The following SLC12A7 variants were observed in gnomAD, a reference collection of about 807,000 sequenced individuals.
SLC12A7 encodes solute carrier family 12 member 7.
Under a neutral mutation model 120.6 loss-of-function variants are expected in SLC12A7, and 100 were observed. The ratio of observed to expected loss-of-function variants is 0.83; its 90% CI spans 0.71 to 0.98. SLC12A7 has a LOEUF of 0.98. Ranked by LOEUF, SLC12A7 falls within the 50% of genes least tolerant of loss-of-function variation. The pLI, the probability that SLC12A7 is intolerant of heterozygous loss-of-function variation, is 0.00. For missense variants in SLC12A7, 1,373 were observed against 1,548.1 expected (o/e 0.89, Z 1.90); for synonymous variants, 760 against 678.0 (o/e 1.12, Z -1.88).
intron 17 of SLC12A7, 139 bp from the exon 18 acceptor site, chr5:1,065,617 T>C: frequency 1.5e-6 from 1 of 646,996 alleles, no homozygotes; most frequent in Non-Finnish European, 2.6e-6. Flanking sequence ...CTCAACGGTG[T>C]GCTGCGGTGC....
chr5:1,138,196 G>A, the SLC12A7 span, among the ~76,000 whole-genome samples: 26 of 138,122 alleles, frequency 1.9e-4, no homozygotes, highest in Middle Eastern at 3.4e-3. Context: ...GGGGAAAAGC[G>A]GAAAAAAACA....
Position 1,060,388 on chromosome 5 carries a change from T to A in SLC12A7, c.2803A>T (p.Met935Leu), listed in dbSNP as rs1198691390. 1 of 1,613,652 alleles carries A rather than the reference T, an allele frequency of 6.2e-7. No homozygotes were observed. The highest frequency in any genetic ancestry group is 8.5e-7 in the Non-Finnish European group (1 of 1,179,972). ...TTGGACAGCTGCATCTGCTTCAGCA[T>A]CTGCGACCTCTGCTCCATCATTAGT... Reference protein sequence around the residue: ...RTLMMEQRSQMLKQMQLSKNE... With the variant: ...RTLMMEQRSQLLKQMQLSKNE... Residue 935 changes from methionine (M) to leucine (L), a missense_variant, in exon 21 of 24, where the codon ATG becomes TTG. Transcript: ENST00000264930.
chr5:1,053,048 G>A (rs1259042097), intron 23 of SLC12A7, among the ~76,000 whole-genome samples: 1 of 152,236 alleles, frequency 6.6e-6, no homozygotes, highest in African/African-American at 2.4e-5. Context: ...CACAGCTGCT[G>A]TGGGGATGCA....
At chr5:1,097,436 A>C (rs1456191729) in intron 1 of SLC12A7, among the ~76,000 whole-genome samples, 3 of 152,170 alleles carry the variant, frequency 2.0e-5, no homozygotes, top group African/African-American at 7.2e-5. Context: ...CAACCTATGC[A>C]GTTGGAAAAA....
Position 1,058,879 on chromosome 5 carries a change from C to T in SLC12A7, c.2848-1230G>A, listed in dbSNP as rs906101414. Reference sequence around the variant, plus strand: ...GGGTGTCCACCCAGCGTCTGCACAGCAGCTCATCCAAACCCTTCTGCAGAG... The same window carrying T: ...GGGTGTCCACCCAGCGTCTGCACAGTAGCTCATCCAAACCCTTCTGCAGAG... On this transcript the variant is annotated intron_variant, in intron 21 of 23. Transcript: ENST00000264930. Among the ~76,000 whole-genome samples the T allele has an allele frequency of 2.3e-4, 12 of 53,244 alleles. No individual in the cohort carries two copies. In the South Asian group the frequency reaches 0.013, roughly 57 times the overall value. 34.9% of individuals were successfully genotyped at this position (53,244 alleles called of 152,430 possible).
At chr5:1,084,726 C>T (rs555566736) in intron 7 of SLC12A7, among the ~76,000 whole-genome samples, 70 of 152,238 alleles carry the variant, frequency 4.6e-4, no homozygotes, top group Non-Finnish European at 4.6e-4. Context: ...GGCAAAACCG[C>T]GGGAGCCTCA....
chr5:1,123,088 G>GCTGCCA, the SLC12A7 span, among the ~76,000 whole-genome samples: 3 of 152,190 alleles, frequency 2.0e-5, no homozygotes, highest in African/African-American at 7.2e-5. Context: ...TGGCTGAGCC[G>GCTGCCA]CTGCCACTGC....
At chr5:1,079,915 C>T (rs77464269) in intron 9 of SLC12A7, among the ~76,000 whole-genome samples, 7,293 of 152,314 alleles carry the variant, frequency 0.048, 224 homozygotes, top group South Asian at 0.12. Context: ...GGCCAGCAGA[C>T]GCTGCGACCC....
chr5:1,073,777 G>A lies in SLC12A7; in HGVS notation c.2097C>T (p.Asn699=), dbSNP rs748837986. The A allele has an allele frequency of 1.4e-6, 2 of 1,461,898 alleles. No individual in the cohort carries two copies. Among genetic ancestry groups the A allele is most frequent in the South Asian group, 1.5e-5 (1 of 67,398 alleles). 90.6% of individuals were successfully genotyped at this position (1,461,898 alleles called of 1,614,324 possible). A position where few individuals can be genotyped will look rare whatever the true frequency, so the allele number is the denominator to read the frequency against. The change falls in exon 17 of 24, where the codon AAC becomes AAT. Residue 699 remains asparagine, a synonymous_variant. Transcript: ENST00000264930. ...GCTTCACGGCCTGCTCCGCGTCCAG[G>A]TTCAGCATCACCAGCACCTGGGGCC... is the stretch of plus-strand genomic sequence containing the variant. ...NWRPQVLVML[N]LDAEQAVKHP... is the part of the protein sequence containing the mutation.
At chr5:1,075,219 C>G in intron 15 of SLC12A7, 152 bp downstream of exon 15, 1 of 1,134,606 alleles carries the variant, frequency 8.8e-7, no homozygotes, top group South Asian at 1.7e-5. Flanking sequence ...TTTCACAACA[C>G]AGCCCACCTG....
At chr5:1,124,804 T>C in the SLC12A7 span, among the ~76,000 whole-genome samples, 4 of 151,964 alleles carry the variant, frequency 2.6e-5, no homozygotes, top group Non-Finnish European at 5.9e-5. Context: ...ATAAAAAAAG[T>C]GTTTAATCCA....
At chr5:1,140,526 C>T in the SLC12A7 span, among the ~76,000 whole-genome samples, 82 of 152,322 alleles carry the variant, frequency 5.4e-4, no homozygotes, top group Non-Finnish European at 4.4e-5. Context: ...GGCTTCCCCT[C>T]CCCACAGCTG....
At chr5:1,114,318 G>T (rs187999123), upstream of SLC12A7, among the ~76,000 whole-genome samples, 1 of 152,212 alleles carries the variant, frequency 6.6e-6, no homozygotes, top group Admixed American at 6.5e-5. Flanking sequence ...GGGGGGTGAG[G>T]TCTGCTGCCT....
At chr5:1,126,063 C>A in the SLC12A7 span, among the ~76,000 whole-genome samples, 1 of 151,960 alleles carries the variant, frequency 6.6e-6, no homozygotes, top group Non-Finnish European at 1.5e-5. Context: ...ACAATATTAA[C>A]CCATGAATTC....
chr5:1,082,906 G>A (rs1371399291), intron 8 of SLC12A7, among the ~76,000 whole-genome samples: 25 of 115,964 alleles, frequency 2.2e-4, no homozygotes, highest in South Asian at 1.7e-3. Context: ...TGGAAAGCCT[G>A]GGCTTCCCGT....
chr5:1,057,120 C>T (rs760215074), intron 22 of SLC12A7: 15 of 224,812 alleles, frequency 6.7e-5, no homozygotes, highest in Non-Finnish European at 1.3e-4. Context: ...AACATCAGGA[C>T]CCACCCTAGG....
the SLC12A7 span, among the ~76,000 whole-genome samples, chr5:1,129,263 C>T: frequency 1.3e-5 from 2 of 152,300 alleles, no homozygotes; most frequent in African/African-American, 4.8e-5. Flanking sequence ...TGAGCTGTTG[C>T]AGGGTACAAC....
At chr5:1,068,732 C>T (rs947056305) in intron 17 of SLC12A7, among the ~76,000 whole-genome samples, 15 of 152,292 alleles carry the variant, frequency 9.8e-5, no homozygotes, top group Non-Finnish European at 1.6e-4. Flanking sequence ...GGCTGTCGGA[C>T]GGAGAGGATC....
At chr5:1,096,811 A>AAG (rs1741264917) in intron 1 of SLC12A7, among the ~76,000 whole-genome samples, 1 of 46,276 alleles carries the variant, frequency 2.2e-5, no homozygotes, top group Non-Finnish European at 4.7e-5. Flanking sequence ...GAGGGAAGGA[A>AAG]GGAGGGAAGG....
Sources: allele counts gnomAD v4.1 joint callset (sites outside exome capture counted in the v4.1 genomes callset), GRCh38; gene constraint gnomAD v4.1.1; transcripts MANE v1.5; gene names NCBI Gene and HGNC (gene_info 2026-07-23, HGNC 2026-07-21).